The following SEM1 variants were observed in gnomAD, a reference collection of about 807,000 sequenced individuals.
SEM1 encodes the protein SEM1 26S proteasome subunit, also known as 26S proteasome complex subunit SEM1.
In SEM1, 3 loss-of-function variants were observed where a neutral mutation model predicts 12.7. The observed-to-expected ratio is 0.24, with a 90% CI of 0.11 to 0.61. The LOEUF (loss-of-function observed/expected upper bound fraction) is 0.61, where lower values mean the gene tolerates loss of function less well. SEM1 is among the 20% of genes least tolerant of loss of function. SEM1 has a pLI of 0.88. For missense variants in SEM1, 59 were observed against 81.3 expected (o/e 0.73, Z 1.06); for synonymous variants, 30 against 27.8 (o/e 1.08, Z -0.25).
At chr7:96,697,920 C>T (rs979181269) in intron 1 of SEM1, among the ~76,000 whole-genome samples, 1 of 152,044 alleles carries the variant, frequency 6.6e-6, no homozygotes, top group East Asian at 1.9e-4. Flanking sequence ...CACCCGTATA[C>T]CCTGCAGATC....
At chr7:96,542,451 A>G (rs1354857897) in intron 2 of SEM1, among the ~76,000 whole-genome samples, 1 of 151,846 alleles carries the variant, frequency 6.6e-6, no homozygotes, top group Non-Finnish European at 1.5e-5. Context: ...TTGATTTTAT[A>G]TCCTGAAACT....
chr7:96,496,161 C>T (rs1803242657), intron 1 of SEM1: 1 of 580,842 alleles, frequency 1.7e-6, no homozygotes, highest in Non-Finnish European at 2.9e-6. Context: ...TAAAACCAAA[C>T]ATTCATTTTA....
At chr7:96,669,862 T>C (rs2116574879), downstream of SEM1, among the ~76,000 whole-genome samples, 1 of 152,336 alleles carries the variant, frequency 6.6e-6, no homozygotes, top group Non-Finnish European at 1.5e-5. Context: ...ATATTAATAA[T>C]GAAAATGATC....
intron 2 of SEM1, among the ~76,000 whole-genome samples, chr7:96,665,901 C>A (rs976596952): frequency 2.0e-5 from 3 of 152,188 alleles, no homozygotes; most frequent in Admixed American, 2.0e-4. Context: ...ACCAGCCCTG[C>A]AGATGAGAAA....
At chr7:96,646,502 G>GT (rs967095508) in intron 2 of SEM1, among the ~76,000 whole-genome samples, 13 of 152,076 alleles carry the variant, frequency 8.5e-5, no homozygotes, top group African/African-American at 2.9e-4. Context: ...ATTGTCTTGA[G>GT]TTTTTTTCTC....
intron 2 of SEM1, chr7:96,647,677 T>C (rs1808844231): frequency 1.3e-5 from 2 of 152,176 alleles, no homozygotes; most frequent in African/African-American, 4.8e-5. Flanking sequence ...AGAACTGATA[T>C]TACATCCCAT....
At chr7:96,668,034 A>G (rs1430801835) in intron 2 of SEM1, among the ~76,000 whole-genome samples, 1 of 152,176 alleles carries the variant, frequency 6.6e-6, no homozygotes, top group Non-Finnish European at 1.5e-5. Context: ...GTGGAAACCC[A>G]CCCACGAATA....
chr7:96,642,993 G>A (rs1808661780), intron 2 of SEM1, among the ~76,000 whole-genome samples: 1 of 151,948 alleles, frequency 6.6e-6, no homozygotes, highest in African/African-American at 2.4e-5. Context: ...GAGCAGGTTT[G>A]TTACATAGGT....
rs547799277 is a variant in SEM1 at position 96,530,582 on chromosome 7, G to A, written c.171-23884C>T. On this transcript the variant is annotated intron_variant and NMD_transcript_variant, in intron 2 of 3. Transcript: ENST00000466986. ...TCATAGTAAACGTCCCTCAGGTATCGGGGCATCAGGGTCCTCATGAGGGAT... is the reference window on the plus strand; with the variant it reads ...TCATAGTAAACGTCCCTCAGGTATCAGGGCATCAGGGTCCTCATGAGGGAT... Among the ~76,000 whole-genome samples, 69 of 152,158 alleles carry A rather than the reference G, an allele frequency of 4.5e-4. 1 individual carries two copies. Among genetic ancestry groups the A allele is most frequent in the Admixed American group, 1.9e-3 (29 of 15,270 alleles).
chr7:96,695,763 C>A (rs1455616799), intron 1 of SEM1: 2 of 151,932 alleles, frequency 1.3e-5, no homozygotes, highest in African/African-American at 4.8e-5. Flanking sequence ...CAAGCAGATT[C>A]TACTCAGCTT....
chr7:96,557,638 C>T (rs1584761986), intron 2 of SEM1, among the ~76,000 whole-genome samples: 2 of 118,050 alleles, frequency 1.7e-5, no homozygotes, highest in African/African-American at 5.4e-5. Context: ...TTACTGCTGT[C>T]TTTTTGTTTG....
downstream of SEM1, among the ~76,000 whole-genome samples, chr7:96,671,774 T>G (rs1299901479): frequency 6.6e-6 from 1 of 152,188 alleles, no homozygotes. Context: ...GAGAGGATGC[T>G]CCTCAGAGAG....
rs929913727 is a variant in SEM1 at position 96,582,625 on chromosome 7, T to G, written c.171-75927A>C. ...CCTAGACTCTTTTTGGTTGGTAAGC[T>G]ATTGATTATTGCCACAATTTCAGCT... On this transcript the variant is annotated intron_variant and NMD_transcript_variant, in intron 2 of 3. Transcript: ENST00000466986. Among the ~76,000 whole-genome samples, 88 of 152,382 alleles carry G rather than the reference T, an allele frequency of 5.8e-4. 1 individual carries two copies. The highest frequency in any genetic ancestry group is 1.9e-3 in the African/African-American group (79 of 41,598).
intron 1 of SEM1, chr7:96,486,560 C>G: frequency 1.5e-6 from 1 of 664,494 alleles, no homozygotes; most frequent in Non-Finnish European, 2.6e-6. Context: ...AAACCAAAAG[C>G]AGTGTAAGAG....
intron 2 of SEM1, among the ~76,000 whole-genome samples, chr7:96,509,829 G>C (rs995070602): frequency 3.3e-5 from 5 of 151,882 alleles, no homozygotes; most frequent in African/African-American, 1.2e-4. Flanking sequence ...ATTTAAATGA[G>C]GTATCTAGAA....
chr7:96,629,307 C>T (rs1381602336), intron 2 of SEM1, among the ~76,000 whole-genome samples: 1 of 151,888 alleles, frequency 6.6e-6, no homozygotes, highest in Non-Finnish European at 1.5e-5. Flanking sequence ...TTCTAGATCC[C>T]GCAGGTATGC....
intron 2 of SEM1, among the ~76,000 whole-genome samples, chr7:96,607,573 T>C (rs1447009925): frequency 6.6e-6 from 1 of 151,668 alleles, no homozygotes; most frequent in African/African-American, 2.4e-5. Flanking sequence ...TATAATTCAA[T>C]TGAATAAAGT....
rs185330258 is a variant in SEM1 at position 96,587,878 on chromosome 7, A to G, written c.171-81180T>C. On this transcript the variant is annotated intron_variant and NMD_transcript_variant, in intron 2 of 3. Transcript: ENST00000466986. ...TTTGACATCTTCCCACAGACACTGAAGAGATATTTAACACATACTATTGAA... is the reference window on the plus strand; with the variant it reads ...TTTGACATCTTCCCACAGACACTGAGGAGATATTTAACACATACTATTGAA... Among the ~76,000 whole-genome samples, 711 of 152,338 alleles carry G rather than the reference A, an allele frequency of 4.7e-3. 10 individuals carry two copies. The highest frequency in any genetic ancestry group is 0.016 in the African/African-American group (681 of 41,570).
intron 2 of SEM1, among the ~76,000 whole-genome samples, chr7:96,600,059 T>C (rs970774235): frequency 6.6e-6 from 1 of 152,028 alleles, no homozygotes; most frequent in African/African-American, 2.4e-5. Flanking sequence ...GGACAGAGAG[T>C]GCTTTAAAAA....
Sources: allele counts gnomAD v4.1 joint callset (sites outside exome capture counted in the v4.1 genomes callset), GRCh38; gene constraint gnomAD v4.1.1; transcripts MANE v1.5; gene names NCBI Gene and HGNC (gene_info 2026-07-23, HGNC 2026-07-21).